Variants in CNIH3 observed in about 807,000 individuals in gnomAD.
CNIH3 encodes protein cornichon homolog 3.
CNIH3 carries 14 observed loss-of-function variants against 24.1 expected under a neutral mutation model. That is an observed-to-expected ratio of 0.58 (90% CI 0.38 to 0.91). The LOEUF (loss-of-function observed/expected upper bound fraction) is 0.91. Among genes scored for constraint, CNIH3 ranks in the 40% least tolerant of loss-of-function variants. CNIH3 has a pLI of 0.00. For missense variants in CNIH3, 178 were observed against 196.8 expected (o/e 0.90, Z 0.57); for synonymous variants, 68 against 73.8 (o/e 0.92, Z 0.40).
intron 3 of CNIH3, among the ~76,000 whole-genome samples, chr1:224,555,690 CAT>C (rs1680106084): frequency 6.6e-6 from 1 of 152,194 alleles, no homozygotes; most frequent in South Asian, 2.1e-4. Context: ...ACAAGGTTGG[CAT>C]AACGTTACTT....
intron 3 of CNIH3, among the ~76,000 whole-genome samples, chr1:224,707,355 G>A (rs1406886704): frequency 1.3e-5 from 2 of 152,080 alleles, no homozygotes; most frequent in Non-Finnish European, 2.9e-5. Flanking sequence ...AAAGCAACAA[G>A]CCCAAAACAC....
chr1:224,525,344 G>A (rs2124921822), intron 2 of CNIH3, among the ~76,000 whole-genome samples: 1 of 152,340 alleles, frequency 6.6e-6, no homozygotes, highest in Admixed American at 6.5e-5. Context: ...CCCAGTGGGG[G>A]AAGACCTAGT....
At chr1:224,726,891 A>C (rs925110502) in intron 3 of CNIH3, among the ~76,000 whole-genome samples, 1 of 152,064 alleles carries the variant, frequency 6.6e-6, no homozygotes, top group Non-Finnish European at 1.5e-5. Flanking sequence ...ATTAAAAAAA[A>C]AAAAGTGTTT....
At position 224,490,360 on chromosome 1, in the gene CNIH3, G is replaced by T. The variant is rs140058775; in HGVS notation, n.204-25381G>T. ...ATGGTTCAGGGTTTCATATTTTGGG[G>T]ACTAGAATTATAGAGAGTAATCCTG... On this transcript the variant is annotated intron_variant and non_coding_transcript_variant, in intron 1 of 5. Transcript: ENST00000471578. Among the ~76,000 whole-genome samples the T allele has an allele frequency of 6.7e-3, 1,016 of 152,292 alleles. 5 individuals carry two copies. Among genetic ancestry groups the T allele is most frequent in the Middle Eastern group, 0.034 (10 of 294 alleles).
upstream of CNIH3, among the ~76,000 whole-genome samples, chr1:224,513,326 T>A (rs185399023): frequency 0.021 from 2,834 of 133,322 alleles, 120 homozygotes; most frequent in African/African-American, 0.073. Flanking sequence ...TTTTTTTTTT[T>A]AATTTTTGTA....
chr1:224,506,227 C>G (rs1677901574), intron 1 of CNIH3, among the ~76,000 whole-genome samples: 1 of 152,112 alleles, frequency 6.6e-6, no homozygotes. Flanking sequence ...TGTCACCAGG[C>G]CTGGGGCCAC....
At chr1:224,647,174 G>A (rs1264214204) in intron 1 of CNIH3, among the ~76,000 whole-genome samples, 1 of 152,096 alleles carries the variant, frequency 6.6e-6, no homozygotes, top group Non-Finnish European at 1.5e-5. Context: ...GTAGAGACAG[G>A]GTTTTACCAT....
chr1:224,541,327 C>T (rs1679503472), downstream of CNIH3, among the ~76,000 whole-genome samples: 1 of 152,122 alleles, frequency 6.6e-6, no homozygotes. Context: ...AAATTTATGG[C>T]TTTCCTTTTT....
intron 1 of CNIH3, among the ~76,000 whole-genome samples, chr1:224,485,176 ACT>A (rs1370812108): frequency 6.6e-6 from 1 of 151,916 alleles, no homozygotes; most frequent in Non-Finnish European, 1.5e-5. Context: ...TTATATAGTC[ACT>A]CTCTGCTTCT....
chr1:224,540,461 A>G (rs1679470616), downstream of CNIH3, among the ~76,000 whole-genome samples: 1 of 152,238 alleles, frequency 6.6e-6, no homozygotes, highest in South Asian at 2.1e-4. Flanking sequence ...TCAACAAGTT[A>G]AAAGTTTCAT....
At chr1:224,686,937 T>G (rs1298961966) in intron 3 of CNIH3, among the ~76,000 whole-genome samples, 1 of 152,252 alleles carries the variant, frequency 6.6e-6, no homozygotes, top group African/African-American at 2.4e-5. Context: ...AACACTGTAC[T>G]CTACCTCTTC....
At chr1:224,483,401 T>C (rs1318880509) in intron 1 of CNIH3, among the ~76,000 whole-genome samples, 6 of 151,928 alleles carry the variant, frequency 3.9e-5, no homozygotes, top group African/African-American at 1.5e-4. Context: ...TTTTTTTTTT[T>C]TTTTTTAGAC....
intron 2 of CNIH3, among the ~76,000 whole-genome samples, chr1:224,545,247 G>A (rs1045651663): frequency 4.6e-5 from 7 of 152,238 alleles, no homozygotes; most frequent in African/African-American, 1.7e-4. Flanking sequence ...ACATGGTGGG[G>A]ACTCAAATGT....
downstream of CNIH3, among the ~76,000 whole-genome samples, chr1:224,589,909 C>T (rs996867638): frequency 4.6e-5 from 7 of 152,028 alleles, no homozygotes; most frequent in Non-Finnish European, 8.8e-5. Flanking sequence ...TGGAGTCTTG[C>T]TCTGTCACCC....
intron 1 of CNIH3, among the ~76,000 whole-genome samples, chr1:224,463,140 C>T (rs1252642175): frequency 1.3e-5 from 2 of 152,096 alleles, no homozygotes; most frequent in Non-Finnish European, 2.9e-5. Context: ...TCGTGATCCA[C>T]CCGCCTCGGC....
intron 1 of CNIH3, among the ~76,000 whole-genome samples, chr1:224,438,411 G>A (rs1674760005): frequency 1.3e-5 from 2 of 152,052 alleles, no homozygotes; most frequent in Admixed American, 6.5e-5. Flanking sequence ...TTAAAAAGCT[G>A]AGATAGTATA....
intron 1 of CNIH3, among the ~76,000 whole-genome samples, chr1:224,474,845 G>A (rs1278471283): frequency 1.3e-5 from 2 of 150,058 alleles, no homozygotes; most frequent in African/African-American, 4.9e-5. Context: ...GACTAACACG[G>A]TGAAACCCCG....
intron 1 of CNIH3, among the ~76,000 whole-genome samples, chr1:224,486,267 A>G (rs1459670320): frequency 6.6e-6 from 1 of 151,074 alleles, no homozygotes; most frequent in Admixed American, 6.6e-5. Flanking sequence ...CACCATGCCC[A>G]GCTAATTTTT....
chr1:224,653,696 C>T (rs1433903532), intron 1 of CNIH3, among the ~76,000 whole-genome samples: 1 of 152,206 alleles, frequency 6.6e-6, no homozygotes, highest in Non-Finnish European at 1.5e-5. Context: ...TTCTCAGTTA[C>T]TGTTGCTTTT....
Sources: allele counts gnomAD v4.1 joint callset (sites outside exome capture counted in the v4.1 genomes callset), GRCh38; gene constraint gnomAD v4.1.1; transcripts MANE v1.5; gene names NCBI Gene and HGNC (gene_info 2026-07-23, HGNC 2026-07-21).